Variants in C12orf42 observed in about 807,000 individuals in gnomAD.
C12orf42 encodes uncharacterized protein C12orf42.
C12orf42 carries 25 observed loss-of-function variants against 21.6 expected under a neutral mutation model. That is an observed-to-expected ratio of 1.16 (90% CI 0.84 to 1.62). The LOEUF (loss-of-function observed/expected upper bound fraction) is 1.62, where lower values mean the gene tolerates loss of function less well. Among genes scored for constraint, C12orf42 ranks in the 40% most tolerant of loss-of-function variants. C12orf42 has a pLI of 0.00. For synonymous variants in C12orf42, 174 were observed against 175.0 expected (o/e 0.99, Z 0.05); for missense variants, 483 against 459.3 (o/e 1.05, Z -0.47).
At chr12:103,429,404 A>C (rs2139298333) in intron 2 of C12orf42, among the ~76,000 whole-genome samples, 1 of 152,316 alleles carries the variant, frequency 6.6e-6, no homozygotes, top group South Asian at 2.1e-4. Context: ...TAGGAATATA[A>C]CTTCCAAGGG....
the C12orf42 span, among the ~76,000 whole-genome samples, chr12:103,075,167 T>C: frequency 9.2e-5 from 14 of 152,176 alleles, no homozygotes; most frequent in Middle Eastern, 3.2e-3. Context: ...AAAGTTCTTT[T>C]TTACTTTTCC....
the C12orf42 span, among the ~76,000 whole-genome samples, chr12:103,052,951 G>T: frequency 6.6e-6 from 1 of 151,952 alleles, no homozygotes; most frequent in Non-Finnish European, 1.5e-5. Flanking sequence ...GATGAATTCA[G>T]TAGGCTTTTA....
rs543474171 is a variant in C12orf42 at position 103,481,827 on chromosome 12, T to C, written c.-21-3380A>G. ...TTGGGTTTTTTTTTTCCCTACACTT[T>C]TAGAATTGACTAAATTATTTTTTCT... On this transcript the variant is annotated intron_variant, in intron 1 of 5. Coordinates refer to ENST00000548883, the MANE Select transcript of C12orf42 (RefSeq NM_198521.5). Among the ~76,000 whole-genome samples the C allele has an allele frequency of 7.3e-3, 1,103 of 151,828 alleles. 5 individuals carry two copies. Among genetic ancestry groups the C allele is most frequent in the Non-Finnish European group, 0.012 (818 of 67,788 alleles).
chr12:103,472,217 G>T (rs922062190), intron 2 of C12orf42, among the ~76,000 whole-genome samples: 1 of 151,806 alleles, frequency 6.6e-6, no homozygotes, highest in Non-Finnish European at 1.5e-5. Context: ...ACCATGCCAG[G>T]CTAATTTTTT....
chr12:103,418,580 G>A (rs1355037867), intron 2 of C12orf42, among the ~76,000 whole-genome samples: 4 of 151,962 alleles, frequency 2.6e-5, no homozygotes, highest in African/African-American at 7.3e-5. Context: ...GGTCTCGGGT[G>A]GGATGCTTTA....
downstream of C12orf42, among the ~76,000 whole-genome samples, chr12:103,265,633 G>C (rs1013115832): frequency 6.6e-6 from 1 of 152,156 alleles, no homozygotes; most frequent in Non-Finnish European, 1.5e-5. Flanking sequence ...ACAAGATGCT[G>C]AAAATGTTCA....
chr12:103,435,196 T>C (rs934041702), intron 2 of C12orf42, among the ~76,000 whole-genome samples: 3 of 152,132 alleles, frequency 2.0e-5, no homozygotes, highest in African/African-American at 4.8e-5. Context: ...GGGTCCTGTC[T>C]GTTAGAAGGA....
intron 2 of C12orf42, among the ~76,000 whole-genome samples, chr12:103,463,362 G>C (rs890372898): frequency 6.6e-6 from 1 of 152,146 alleles, no homozygotes; most frequent in East Asian, 1.9e-4. Flanking sequence ...AAACAGACTA[G>C]AATGGAATCA....
chr12:103,416,352 G>C (rs2049332146), intron 2 of C12orf42, among the ~76,000 whole-genome samples: 1 of 152,064 alleles, frequency 6.6e-6, no homozygotes, highest in African/African-American at 2.4e-5. Flanking sequence ...AATGGGAGAA[G>C]TGAGTGGCCC....
the C12orf42 span, among the ~76,000 whole-genome samples, chr12:103,096,393 G>C: frequency 4.0e-5 from 6 of 151,790 alleles, no homozygotes; most frequent in Non-Finnish European, 8.8e-5. Flanking sequence ...TAAGTTGTTC[G>C]GACCCAAGTA....
chr12:103,213,611 C>A, the C12orf42 span, among the ~76,000 whole-genome samples: 5 of 152,168 alleles, frequency 3.3e-5, no homozygotes, highest in African/African-American at 1.2e-4. Flanking sequence ...CCTTCCTCTC[C>A]CCTGGATCTT....
chr12:103,159,302 T>C, the C12orf42 span, among the ~76,000 whole-genome samples: 6 of 152,208 alleles, frequency 3.9e-5, no homozygotes, highest in Non-Finnish European at 7.3e-5. Context: ...CAGTGGTGCA[T>C]GTCTACAGAG....
intron 4 of C12orf42, among the ~76,000 whole-genome samples, chr12:103,324,579 T>C (rs1002882827): frequency 1.3e-5 from 2 of 152,204 alleles, no homozygotes; most frequent in Non-Finnish European, 2.9e-5. Context: ...GGACCTGCTA[T>C]TTTAAAATGT....
chr12:103,073,737 C>T, the C12orf42 span, among the ~76,000 whole-genome samples: 400 of 152,112 alleles, frequency 2.6e-3, 1 homozygote, highest in African/African-American at 9.2e-3. Flanking sequence ...AGCAAGAAAA[C>T]ACATATTCAT....
intron 2 of C12orf42, among the ~76,000 whole-genome samples, chr12:103,420,214 C>T (rs974626688): frequency 6.6e-6 from 1 of 152,156 alleles, no homozygotes; most frequent in African/African-American, 2.4e-5. Context: ...TGATAATTAA[C>T]ATTTCAAACA....
chr12:103,379,869 CACAG>C (rs1369628499), intron 3 of C12orf42, among the ~76,000 whole-genome samples: 2 of 152,148 alleles, frequency 1.3e-5, no homozygotes, highest in African/African-American at 4.8e-5. Context: ...TATCGGGAAG[CACAG>C]ACAGTGGGTA....
At chr12:103,327,640 C>T (rs1377836062) in intron 4 of C12orf42, among the ~76,000 whole-genome samples, 4 of 152,276 alleles carry the variant, frequency 2.6e-5, no homozygotes, top group Admixed American at 6.5e-5. Flanking sequence ...CCAGATAAAA[C>T]ATTTTGATTC....
chr12:103,247,770 G>T (rs886492944), intron 10 of C12orf42, among the ~76,000 whole-genome samples: 5 of 151,954 alleles, frequency 3.3e-5, no homozygotes, highest in Non-Finnish European at 7.4e-5. Flanking sequence ...GTCCATACTG[G>T]TTGGGAATTT....
intron 2 of C12orf42, among the ~76,000 whole-genome samples, chr12:103,472,387 A>G (rs947136646): frequency 6.6e-6 from 1 of 152,196 alleles, no homozygotes; most frequent in Non-Finnish European, 1.5e-5. Flanking sequence ...AACAAGCCTT[A>G]AAATCTCTAT....
Sources: allele counts gnomAD v4.1 joint callset (sites outside exome capture counted in the v4.1 genomes callset), GRCh38; gene constraint gnomAD v4.1.1; transcripts MANE v1.5; gene names NCBI Gene and HGNC (gene_info 2026-07-23, HGNC 2026-07-21).